The following NXPE1 variants were observed in gnomAD, a reference collection of about 807,000 sequenced individuals.
The protein encoded by NXPE1 is neurexophilin and PC-esterase domain family member 1, also known as NXPE family member 1.
A neutral mutation model predicts 33.3 loss-of-function variants in NXPE1; 31 were observed. The ratio of observed to expected loss-of-function variants is 0.93; its 90% CI spans 0.70 to 1.26. The LOEUF (loss-of-function observed/expected upper bound fraction) is 1.26. Ranked by LOEUF, NXPE1 falls within the 50% of genes most tolerant of loss-of-function variation. The pLI, the probability that NXPE1 is intolerant of heterozygous loss-of-function variation, is 0.00. For synonymous variants in NXPE1, 229 were observed against 231.4 expected, an observed-to-expected ratio of 0.99 and a Z score of 0.09; for missense variants, 661 against 655.6, an observed-to-expected ratio of 1.01 and a Z score of -0.09.
chr11:114,536,529 C>T (rs550944440), intron 5 of NXPE1, among the ~76,000 whole-genome samples: 160 of 151,906 alleles, frequency 1.1e-3, no homozygotes, highest in African/African-American at 3.6e-3. Flanking sequence ...ATTGATAGAC[C>T]GCTAGCAAGA....
exon 9 of NXPE1, chr11:114,521,988 A>T (rs540491301): frequency 2.3e-5 from 37 of 1,612,208 alleles, no homozygotes; most frequent in South Asian, 2.0e-4. Flanking sequence ...TAGTTTAAGA[A>T]CATGTTAATC....
At chr11:114,521,814 T>TCA (rs1392828825) in exon 9 of NXPE1, 2 of 592,802 alleles carry the variant, frequency 3.4e-6, no homozygotes, top group Non-Finnish European at 5.9e-6. Context: ...GCATCCCTTA[T>TCA]CAGTTGTCAT....
At chr11:114,542,619 T>C (rs1394184219) in intron 5 of NXPE1, among the ~76,000 whole-genome samples, 1 of 152,118 alleles carries the variant, frequency 6.6e-6, no homozygotes, top group Non-Finnish European at 1.5e-5. Context: ...TGCCTTATAG[T>C]TATTAACTGA....
At chr11:114,554,134 C>A in intron 1 of NXPE1, 1 of 985,426 alleles carries the variant, frequency 1.0e-6, no homozygotes. Flanking sequence ...TGGTCATCCT[C>A]AGACAGGATT....
intron 5 of NXPE1, among the ~76,000 whole-genome samples, chr11:114,550,004 T>A (rs1948418477): frequency 6.6e-6 from 1 of 152,068 alleles, no homozygotes; most frequent in Non-Finnish European, 1.5e-5. Flanking sequence ...TAAGTGTACA[T>A]TTAGCACACG....
intron 7 of NXPE1, among the ~76,000 whole-genome samples, chr11:114,524,492 AG>A (rs1419522370): frequency 3.3e-5 from 5 of 152,200 alleles, no homozygotes; most frequent in Non-Finnish European, 7.3e-5. Flanking sequence ...CACTTGGAAT[AG>A]CTCTTAAGTC....
At chr11:114,520,574 A>T (rs1947190247), downstream of NXPE1, among the ~76,000 whole-genome samples, 1 of 152,216 alleles carries the variant, frequency 6.6e-6, no homozygotes. Flanking sequence ...TGCAGTGAGC[A>T]TGAGAATGCA....
At chr11:114,538,700 C>T (rs985336580) in intron 5 of NXPE1, among the ~76,000 whole-genome samples, 2 of 152,124 alleles carry the variant, frequency 1.3e-5, no homozygotes, top group Non-Finnish European at 2.9e-5. Flanking sequence ...TCATCACTGG[C>T]CATCAGAGAA....
chr11:114,548,745 TAGAAAAA>T (rs1262543415), intron 5 of NXPE1, among the ~76,000 whole-genome samples: 13 of 151,068 alleles, frequency 8.6e-5, no homozygotes. Context: ...GTTAAAAAGT[TAGAAAAA>T]GGAAAACAGA....
At chr11:114,538,634 C>G (rs1014910971) in intron 5 of NXPE1, among the ~76,000 whole-genome samples, 2 of 152,206 alleles carry the variant, frequency 1.3e-5, no homozygotes, top group African/African-American at 4.8e-5. Flanking sequence ...TGAACAGACA[C>G]TTCTCAATAG....
intron 1 of NXPE1, among the ~76,000 whole-genome samples, chr11:114,554,896 T>G (rs1948612614): frequency 6.6e-6 from 1 of 152,206 alleles, no homozygotes; most frequent in African/African-American, 2.4e-5. Flanking sequence ...CTGCCAACCC[T>G]AGAATAAGAC....
At chr11:114,521,267 T>G (rs957458563), downstream of NXPE1, among the ~76,000 whole-genome samples, 2 of 152,232 alleles carry the variant, frequency 1.3e-5, no homozygotes, top group East Asian at 1.9e-4. Flanking sequence ...GATTTTGCTT[T>G]TATTCTTGCA....
chr11:114,556,563 G>A (rs1948652328), intron 1 of NXPE1, among the ~76,000 whole-genome samples: 1 of 151,876 alleles, frequency 6.6e-6, no homozygotes, highest in Non-Finnish European at 1.5e-5. Context: ...TACACACTGA[G>A]GTATATTGTC....
exon 3 of NXPE1, chr11:114,552,007 G>C (rs600944): frequency 0.6 from 91,552 of 152,076 alleles, 29,349 homozygotes; most frequent in African/African-American, 0.84. Flanking sequence ...TGTGTGAAAG[G>C]TTTTGTGTGA....
At chr11:114,523,671 C>G (rs559173701) in intron 7 of NXPE1, among the ~76,000 whole-genome samples, 6 of 152,296 alleles carry the variant, frequency 3.9e-5, no homozygotes, top group African/African-American at 1.4e-4. Flanking sequence ...CAGGAAGTTT[C>G]ACTAGAGTTT....
At chr11:114,554,961 G>A (rs1224655273) in intron 1 of NXPE1, among the ~76,000 whole-genome samples, 1 of 151,982 alleles carries the variant, frequency 6.6e-6, no homozygotes, top group East Asian at 1.9e-4. Context: ...ACCTCAAGGT[G>A]CACACCCTAA....
chr11:114,549,729 A>G (rs1466235405), intron 5 of NXPE1, among the ~76,000 whole-genome samples: 1 of 152,142 alleles, frequency 6.6e-6, no homozygotes, highest in African/African-American at 2.4e-5. Flanking sequence ...GTGTTAGCTA[A>G]TGCAGTTAGA....
At chr11:114,520,832 C>T (rs186041082), downstream of NXPE1, among the ~76,000 whole-genome samples, 172 of 152,254 alleles carry the variant, frequency 1.1e-3, no homozygotes, top group Middle Eastern at 0.014. Flanking sequence ...TTACAGATCT[C>T]GCTCCTTCAT....
chr11:114,532,290 C>A (rs1454302337), intron 5 of NXPE1, among the ~76,000 whole-genome samples: 1 of 152,216 alleles, frequency 6.6e-6, no homozygotes, highest in African/African-American at 2.4e-5. Flanking sequence ...AAAGACAAAT[C>A]ATTGGCAATG....
Sources: allele counts gnomAD v4.1 joint callset (sites outside exome capture counted in the v4.1 genomes callset), GRCh38; gene constraint gnomAD v4.1.1; transcripts MANE v1.5; gene names NCBI Gene and HGNC (gene_info 2026-07-23, HGNC 2026-07-21).